Variants in SHROOM4 observed in about 807,000 individuals in gnomAD.
The protein encoded by SHROOM4 is protein Shroom4.
In SHROOM4, 17 loss-of-function variants were observed where a neutral mutation model predicts 80.3. That is an observed-to-expected ratio of 0.21 (90% CI 0.14 to 0.32). The LOEUF is 0.32. Among genes scored for constraint, SHROOM4 ranks in the 10% least tolerant of loss-of-function variants. SHROOM4 has a pLI of 1.00. For missense variants in SHROOM4, 993 were observed against 1,140.3 expected, an observed-to-expected ratio of 0.87 and a Z score of 1.86; for synonymous variants, 400 against 437.5, an observed-to-expected ratio of 0.91 and a Z score of 1.07.
At chrX:50,801,767 G>A (rs1262020188) in intron 1 of SHROOM4, among the ~76,000 whole-genome samples, 1 of 111,679 alleles carries the variant, frequency 9.0e-6, no homozygotes, top group African/African-American at 3.3e-5. Flanking sequence ...GAGCACTTGG[G>A]CAATCTTTTA....
chrX:50,659,315 T>A (rs1299863605), intron 2 of SHROOM4, among the ~76,000 whole-genome samples: 2 of 111,163 alleles, frequency 1.8e-5, no homozygotes, highest in Non-Finnish European at 3.8e-5. Flanking sequence ...ATAGTCCAAG[T>A]GATGTATAAT....
intron 1 of SHROOM4, among the ~76,000 whole-genome samples, chrX:50,768,385 C>A (rs2147645785): frequency 8.9e-6 from 1 of 111,834 alleles, no homozygotes. Context: ...ACCAACAAAA[C>A]AAAACACTCA....
chrX:50,813,463 C>A lies in SHROOM4; in HGVS notation c.117+439G>T, dbSNP rs111764183. Among the ~76,000 whole-genome samples the A allele has an allele frequency of 7.0e-3, 790 of 112,302 alleles. 6 individuals are homozygous for A. The highest frequency in any genetic ancestry group is 0.023 in the African/African-American group (723 of 30,984). ...TGCAACCTGCCTGGGAGGGACGGCC[C>A]GCCGGTCGATAGAGGGGACAACGCT... On this transcript the variant is annotated intron_variant, in intron 1 of 8. Transcript: ENST00000376020.
chrX:50,783,023 A>G (rs12851265), intron 1 of SHROOM4, among the ~76,000 whole-genome samples: 1 of 111,949 alleles, frequency 8.9e-6, no homozygotes, highest in Non-Finnish European at 1.9e-5. Flanking sequence ...TGTTCTTACC[A>G]CAATAAGGAC....
At chrX:50,602,186 G>A (rs891561527) in intron 7 of SHROOM4, among the ~76,000 whole-genome samples, 2 of 109,242 alleles carry the variant, frequency 1.8e-5, no homozygotes, top group Admixed American at 1.9e-4. Context: ...CCGCCTCCCG[G>A]GTTCAAGCAA....
In SHROOM4 at chrX:50,598,276, T is replaced by C; in HGVS notation, c.4202A>G (p.Asn1401Ser). The C allele has an allele frequency of 8.3e-7, 1 of 1,211,815 alleles. No individual in the cohort carries two copies. Among genetic ancestry groups the C allele is most frequent in the South Asian group, 1.8e-5 (1 of 56,966 alleles). ...NALNSIDSEA[N>S]QEKLVLIEKK... ...AGACCCCAACTCTACCTTCTCCTGG[T>C]TGGCCTCTGAATCGATGCTGTTCAG... The change falls in exon 8 of 9, where the codon AAC (asparagine) becomes AGC (serine). Residue 1401 changes from asparagine (N) to serine (S), a missense_variant. Transcript: ENST00000376020.
At position 50,765,721 on chromosome X, in the gene SHROOM4, T is replaced by C. The variant is rs528084899; in HGVS notation, c.117+48181A>G. ...CTACCTCATTCACATTTCCGTAAACTGTCTGGCAAACAGATAAACAACAGC... is the reference window on the plus strand; with the variant it reads ...CTACCTCATTCACATTTCCGTAAACCGTCTGGCAAACAGATAAACAACAGC... On this transcript the variant is annotated intron_variant, in intron 1 of 8. Transcript: ENST00000376020. Among the ~76,000 whole-genome samples the C allele has an allele frequency of 2.7e-4, 30 of 112,163 alleles. 1 individual carries two copies. The South Asian group carries it at 0.011, about 41-fold the overall frequency.
At chrX:50,812,141 CTG>C (rs1256272855) in intron 1 of SHROOM4, among the ~76,000 whole-genome samples, 1 of 107,945 alleles carries the variant, frequency 9.3e-6, no homozygotes, top group African/African-American at 3.4e-5. Context: ...TCTAGGCAGA[CTG>C]TGGAAATTCT....
intron 1 of SHROOM4, among the ~76,000 whole-genome samples, chrX:50,731,550 G>A (rs1557266306): frequency 1.8e-5 from 2 of 112,085 alleles, no homozygotes; most frequent in Non-Finnish European, 3.8e-5. Flanking sequence ...TGGTCATGGT[G>A]TGTTATGAAC....
intron 1 of SHROOM4, among the ~76,000 whole-genome samples, chrX:50,801,666 A>T (rs1309088950): frequency 1.8e-5 from 2 of 111,431 alleles, no homozygotes; most frequent in Non-Finnish European, 3.8e-5. Flanking sequence ...TTACATCTTG[A>T]GCCCCTTACC....
chrX:50,646,276 A>G (rs1229957044), intron 2 of SHROOM4, among the ~76,000 whole-genome samples: 3 of 111,363 alleles, frequency 2.7e-5, no homozygotes, highest in Non-Finnish European at 5.7e-5. Context: ...CAAACAGCAC[A>G]TTCCACCTGC....
At chrX:50,728,218 G>C (rs1305414961) in intron 1 of SHROOM4, among the ~76,000 whole-genome samples, 5 of 110,904 alleles carry the variant, frequency 4.5e-5, no homozygotes, top group African/African-American at 1.6e-4. Flanking sequence ...AATTAGCCAG[G>C]CATGGTGGCG....
intron 1 of SHROOM4, among the ~76,000 whole-genome samples, chrX:50,707,196 A>T (rs1399573174): frequency 8.9e-6 from 1 of 111,867 alleles, no homozygotes; most frequent in East Asian, 2.8e-4. Context: ...GGTGGGGGGA[A>T]CCCTCATCAA....
At chrX:50,655,493 GTA>G (rs1187273509) in intron 2 of SHROOM4, among the ~76,000 whole-genome samples, 3 of 104,330 alleles carry the variant, frequency 2.9e-5, no homozygotes, top group African/African-American at 1.0e-4. Context: ...ATGTGTGTGT[GTA>G]TATATATATT....
rs1557245396 is a variant in SHROOM4, at chrX:50,591,550, G to T, written c.*5145C>A. On this transcript the variant is annotated 3_prime_UTR_variant, in exon 9 of 9. Transcript: ENST00000376020. Reference sequence around the variant, plus strand: ...CATGGAGTGTCTTTCCATTTATTTTGATCTTCTCTAATCTCTTTCAACAAT... The same window carrying T: ...CATGGAGTGTCTTTCCATTTATTTTTATCTTCTCTAATCTCTTTCAACAAT... 4.4e-6 allele frequency: 1 copy of T among 227,757 alleles called. No homozygotes were observed. The highest frequency in any genetic ancestry group is 8.0e-6 in the Non-Finnish European group (1 of 125,595). The allele number at this position is 227,757 out of a possible 1,213,427, so 18.8% of individuals were successfully genotyped here.
intron 1 of SHROOM4, among the ~76,000 whole-genome samples, chrX:50,698,684 C>T (rs1424542614): frequency 9.0e-6 from 1 of 111,285 alleles, no homozygotes; most frequent in African/African-American, 3.3e-5. Flanking sequence ...AGGTCTAGCA[C>T]GTCTTCTATT....
In SHROOM4 at chrX:50,634,495, T is replaced by C. The variant is rs1931236067; in HGVS notation, c.1578A>G (p.Gln526=). 8.3e-7 allele frequency: 1 copy of C among 1,211,525 alleles called. No individual in the cohort carries two copies. The highest frequency in any genetic ancestry group is 3.0e-5 in the East Asian group (1 of 33,779). ...GAACAAGGGAGCCAGAGGCAGAGGG[T>C]TGCTGGTTGGCCAATTCACTGGCTG... is the stretch of plus-strand genomic sequence containing the variant. ...SRAASELANQ[Q]PSASGSLVQQ... is the part of the protein sequence containing the mutation. The change falls in exon 4 of 9, where the codon CAA becomes CAG. Residue 526 remains glutamine (Q), a synonymous_variant. Coordinates refer to ENST00000376020, the MANE Select transcript of SHROOM4 (RefSeq NM_020717.5).
chrX:50,644,432 C>A (rs1197869940), intron 2 of SHROOM4, among the ~76,000 whole-genome samples: 1 of 112,035 alleles, frequency 8.9e-6, no homozygotes, highest in African/African-American at 3.2e-5. Flanking sequence ...GCTGAGGTTC[C>A]AAATGATGCC....
chrX:50,636,421 A>T (rs1490384589), intron 3 of SHROOM4, among the ~76,000 whole-genome samples: 1 of 110,992 alleles, frequency 9.0e-6, no homozygotes, highest in Non-Finnish European at 1.9e-5. Context: ...AGCAATCCTG[A>T]CTATTTACTG....
Sources: allele counts gnomAD v4.1 joint callset (sites outside exome capture counted in the v4.1 genomes callset), GRCh38; gene constraint gnomAD v4.1.1; transcripts MANE v1.5; gene names NCBI Gene and HGNC (gene_info 2026-07-23, HGNC 2026-07-21).